Variants in GNA14 observed in about 807,000 individuals in gnomAD.
GNA14 encodes the protein G protein subunit alpha 14, also known as guanine nucleotide-binding protein subunit alpha-14.
In GNA14, 50 loss-of-function variants were observed where a neutral mutation model predicts 42.0. The observed-to-expected ratio is 1.19, with a 90% CI of 0.95 to 1.51. The LOEUF (loss-of-function observed/expected upper bound fraction) is 1.51. Ranked by LOEUF, GNA14 falls within the 40% of genes most tolerant of loss-of-function variation. The probability of loss-of-function intolerance (pLI) is 0.00; values close to 1 mark genes in which losing one functional copy is unlikely to be tolerated. For synonymous variants in GNA14, 173 were observed against 163.1 expected, an observed-to-expected ratio of 1.06 and a Z score of -0.46; for missense variants, 473 against 446.2, an observed-to-expected ratio of 1.06 and a Z score of -0.54.
intron 2 of GNA14, chr9:77,518,152 C>G (rs1837291445): frequency 6.6e-6 from 1 of 151,984 alleles, no homozygotes; most frequent in Admixed American, 6.6e-5. Flanking sequence ...CCAACATAGC[C>G]CTCAATGGAG....
chr9:77,448,637 G>C (rs1835860427), intron 2 of GNA14, among the ~76,000 whole-genome samples: 1 of 152,126 alleles, frequency 6.6e-6, no homozygotes, highest in Admixed American at 6.5e-5. Context: ...CGAATTAAAT[G>C]CATACAAGTA....
rs191283105 is a variant in GNA14 at position 77,479,244 on chromosome 9, G to A, written c.310-44722C>T. Among the ~76,000 whole-genome samples the A allele has an allele frequency of 7.2e-4, 110 of 152,206 alleles. 1 individual carries two copies. The highest frequency in any genetic ancestry group is 3.4e-3 in the Middle Eastern group (1 of 294). On this transcript the variant is annotated intron_variant, in intron 2 of 6. Transcript: ENST00000341700. ...CCAGTTTCAGCTTTCTACATATGGC[G>A]AGCCAGTTTTCCCAGCACCATTTGT...
chr9:77,514,654 C>T (rs1478199378), intron 2 of GNA14, among the ~76,000 whole-genome samples: 2 of 149,614 alleles, frequency 1.3e-5, no homozygotes, highest in Non-Finnish European at 3.0e-5. Context: ...CACTCTGTCC[C>T]CCAGGCTAGA....
intron 2 of GNA14, among the ~76,000 whole-genome samples, chr9:77,498,428 A>G (rs150188245): frequency 1.2e-3 from 179 of 151,842 alleles, no homozygotes; most frequent in African/African-American, 4.0e-3. Context: ...CCAGGGCAAG[A>G]ATTTGGGTCT....
At chr9:77,622,321 G>T (rs933921297) in intron 1 of GNA14, among the ~76,000 whole-genome samples, 1 of 152,002 alleles carries the variant, frequency 6.6e-6, no homozygotes, top group Non-Finnish European at 1.5e-5. Context: ...CAAATTTAAG[G>T]AACAGCAAAA....
intron 1 of GNA14, among the ~76,000 whole-genome samples, chr9:77,575,140 C>T (rs576466273): frequency 2.0e-5 from 3 of 152,328 alleles, no homozygotes; most frequent in South Asian, 2.1e-4. Flanking sequence ...AGACAAGGAG[C>T]GGAAGGTAGC....
chr9:77,534,578 C>CCA (rs1363991327), intron 1 of GNA14, among the ~76,000 whole-genome samples: 13 of 152,200 alleles, frequency 8.5e-5, no homozygotes, highest in Non-Finnish European at 1.5e-4. Flanking sequence ...TCGTGAGAAG[C>CCA]CACTGTTTGT....
At chr9:77,609,093 TC>T (rs910157702) in intron 1 of GNA14, among the ~76,000 whole-genome samples, 1 of 152,156 alleles carries the variant, frequency 6.6e-6, no homozygotes, top group African/African-American at 2.4e-5. Flanking sequence ...CTTCTTAAAT[TC>T]ATTTCTCTTT....
intron 2 of GNA14, among the ~76,000 whole-genome samples, chr9:77,526,158 C>T (rs1233047522): frequency 2.6e-5 from 4 of 151,438 alleles, no homozygotes; most frequent in Admixed American, 6.6e-5. Context: ...AGATGGCTGC[C>T]TGCCTCGGCC....
At position 77,647,670 on chromosome 9, in the gene GNA14, C is replaced by G; in HGVS notation, c.124G>C (p.Gly42Arg). ...TGGAGTCGGAGACGCAGCCACTCACCCAGCAGCAGCAGCTTAAGCTCACGG... is the reference window on the plus strand; with the variant it reads ...TGGAGTCGGAGACGCAGCCACTCACGCAGCAGCAGCAGCTTAAGCTCACGG... Reference protein sequence around the residue: ...ARRELKLLLLGTGESGKSTFI... With the variant: ...ARRELKLLLLRTGESGKSTFI... The change falls in exon 1 of 7, where the codon GGA becomes CGA. Residue 42 changes from glycine to arginine, a missense_variant and splice_region_variant. By Grantham distance (125) the Gly-to-Arg change is moderately radical. Transcript: ENST00000341700. 1 of 1,609,158 alleles carries G rather than the reference C, an allele frequency of 6.2e-7. No individual in the cohort carries two copies. The highest frequency in any genetic ancestry group is 1.1e-5 in the South Asian group (1 of 90,054).
At chr9:77,484,248 A>G (rs544574279) in intron 2 of GNA14, among the ~76,000 whole-genome samples, 1 of 152,352 alleles carries the variant, frequency 6.6e-6, no homozygotes, top group East Asian at 1.9e-4. Flanking sequence ...ATCCAAGAGA[A>G]AAAATGGAAT....
chr9:77,567,676 G>A (rs1350481756), intron 1 of GNA14, among the ~76,000 whole-genome samples: 1 of 152,150 alleles, frequency 6.6e-6, no homozygotes, highest in African/African-American at 2.4e-5. Context: ...AGACCAGCCT[G>A]GCCAACATGG....
chr9:77,458,395 G>T (rs957757026), intron 2 of GNA14, among the ~76,000 whole-genome samples: 5 of 152,160 alleles, frequency 3.3e-5, no homozygotes, highest in African/African-American at 1.2e-4. Context: ...CTAGGAATGC[G>T]CTGGCCACGC....
intron 2 of GNA14, among the ~76,000 whole-genome samples, chr9:77,509,788 C>A (rs1229311469): frequency 6.6e-6 from 1 of 151,988 alleles, no homozygotes; most frequent in African/African-American, 2.4e-5. Flanking sequence ...ACAAAAACGG[C>A]AATTACTTTT....
At chr9:77,474,610 A>G (rs969784374) in intron 2 of GNA14, among the ~76,000 whole-genome samples, 3 of 152,224 alleles carry the variant, frequency 2.0e-5, no homozygotes, top group African/African-American at 4.8e-5. Context: ...CTAGTTAAGC[A>G]TAATTACTAA....
At chr9:77,522,753 G>A (rs12338991) in intron 2 of GNA14, among the ~76,000 whole-genome samples, 2 of 152,110 alleles carry the variant, frequency 1.3e-5, no homozygotes, top group Non-Finnish European at 2.9e-5. Flanking sequence ...TGGCATTGGC[G>A]TAGCAGCCCC....
chr9:77,618,606 A>T (rs1191651546), intron 1 of GNA14, among the ~76,000 whole-genome samples: 13 of 10,132 alleles, frequency 1.3e-3, no homozygotes, highest in African/African-American at 2.6e-3. Context: ...ATATATATAT[A>T]TATATATATA....
At chr9:77,461,194 A>G (rs1836098763) in intron 2 of GNA14, among the ~76,000 whole-genome samples, 1 of 152,212 alleles carries the variant, frequency 6.6e-6, no homozygotes, top group African/African-American at 2.4e-5. Context: ...TGAGTGCTGC[A>G]AAACTTGGCT....
At chr9:77,509,937 G>A (rs911194795) in intron 2 of GNA14, among the ~76,000 whole-genome samples, 3 of 152,146 alleles carry the variant, frequency 2.0e-5, no homozygotes, top group African/African-American at 7.2e-5. Flanking sequence ...TCACTACGTA[G>A]TAGTCTTTGT....
Sources: allele counts gnomAD v4.1 joint callset (sites outside exome capture counted in the v4.1 genomes callset), GRCh38; gene constraint gnomAD v4.1.1; transcripts MANE v1.5; gene names NCBI Gene and HGNC (gene_info 2026-07-23, HGNC 2026-07-21).